GALM: variants seen among roughly 807,000 people sequenced by gnomAD.
GALM encodes aldose 1-epimerase.
In GALM, 43 loss-of-function variants were observed where a neutral mutation model predicts 37.4. That is an observed-to-expected ratio of 1.15 (90% CI 0.90 to 1.48). The LOEUF (loss-of-function observed/expected upper bound fraction) is 1.48. Among genes scored for constraint, GALM ranks in the 40% most tolerant of loss-of-function variants. The pLI is 0.00. For synonymous variants in GALM, 199 were observed against 170.6 expected (o/e 1.17, Z -1.30); for missense variants, 456 against 419.1 (o/e 1.09, Z -0.77).
chr2:38,703,839 C>A (rs545651807), intron 4 of GALM, among the ~76,000 whole-genome samples: 1 of 151,944 alleles, frequency 6.6e-6, no homozygotes, highest in African/African-American at 2.4e-5. Context: ...ATGTTGAAAC[C>A]CCCTCTCTGT....
rs1400457855 is a variant in GALM, at chr2:38,733,907, T to G, written c.*342T>G. On this transcript the variant is annotated 3_prime_UTR_variant, in exon 7 of 7. Transcript: ENST00000272252. Reference sequence around the variant, plus strand: ...TCTTTTCAACTTTTTGCCCTTCCTTTCTTTAAAGCTATTCTCACATTGCTT... The same window carrying G: ...TCTTTTCAACTTTTTGCCCTTCCTTGCTTTAAAGCTATTCTCACATTGCTT... The G allele has an allele frequency of 3.0e-6, 1 of 335,890 alleles. No homozygotes were observed. Among genetic ancestry groups the G allele is most frequent in the African/African-American group, 2.1e-5 (1 of 47,068 alleles). 20.8% of individuals were successfully genotyped at this position (335,890 alleles called of 1,614,324 possible). A position where few individuals can be genotyped will look rare whatever the true frequency, so the allele number is the denominator to read the frequency against.
chr2:38,716,117 G>C (rs921439037), intron 4 of GALM, among the ~76,000 whole-genome samples: 3 of 152,222 alleles, frequency 2.0e-5, no homozygotes, highest in Admixed American at 1.3e-4. Flanking sequence ...CTGAAACCCA[G>C]GGATATGCAG....
chr2:38,722,529 A>G (rs1315663330), intron 4 of GALM, among the ~76,000 whole-genome samples: 1 of 152,282 alleles, frequency 6.6e-6, no homozygotes, highest in South Asian at 2.1e-4. Context: ...CCAGGAGAAT[A>G]AGAAATCCTC....
At chr2:38,724,991 G>T (rs1666456886) in intron 4 of GALM, among the ~76,000 whole-genome samples, 1 of 152,140 alleles carries the variant, frequency 6.6e-6, no homozygotes, top group East Asian at 1.9e-4. Flanking sequence ...GTTTCTTCAA[G>T]CCTTCTACCT....
chr2:38,692,447 C>T (rs1265114222), intron 4 of GALM, among the ~76,000 whole-genome samples: 1 of 152,100 alleles, frequency 6.6e-6, no homozygotes, highest in Non-Finnish European at 1.5e-5. Context: ...GACAGGGTCT[C>T]CCTATGTTGC....
intron 4 of GALM, among the ~76,000 whole-genome samples, chr2:38,721,805 C>T (rs963282359): frequency 2.0e-5 from 3 of 152,030 alleles, no homozygotes; most frequent in Admixed American, 6.6e-5. Flanking sequence ...CGTGAGCCAC[C>T]GCGCCTGGTC....
At chr2:38,709,697 C>T (rs1419643864) in intron 4 of GALM, among the ~76,000 whole-genome samples, 1 of 152,156 alleles carries the variant, frequency 6.6e-6, no homozygotes, top group Non-Finnish European at 1.5e-5. Flanking sequence ...AGAAATGTTA[C>T]CTTACCAAAA....
chr2:38,717,845 C>CT (rs201772463), intron 4 of GALM, among the ~76,000 whole-genome samples: 4 of 149,912 alleles, frequency 2.7e-5, no homozygotes, highest in African/African-American at 7.3e-5. Context: ...AAACCATTTT[C>CT]TTTTTTTTTG....
intron 4 of GALM, among the ~76,000 whole-genome samples, chr2:38,697,813 A>T (rs562538413): frequency 1.3e-5 from 2 of 152,282 alleles, no homozygotes; most frequent in East Asian, 3.9e-4. Context: ...CAAGAGCAAG[A>T]CAAAGAAATT....
At chr2:38,695,446 G>C (rs1421404465) in intron 4 of GALM, among the ~76,000 whole-genome samples, 1 of 152,144 alleles carries the variant, frequency 6.6e-6, no homozygotes, top group Non-Finnish European at 1.5e-5. Flanking sequence ...ATTTATCCTG[G>C]GGAGATGCTG....
chr2:38,706,486 G>A, intron 4 of GALM, among the ~76,000 whole-genome samples: 1 of 141,250 alleles, frequency 7.1e-6, no homozygotes, highest in African/African-American at 2.6e-5. Context: ...ACCAGCCTGG[G>A]CAACATATCG....
chr2:38,691,956 A>G (rs1027776396), intron 4 of GALM, among the ~76,000 whole-genome samples: 3 of 152,226 alleles, frequency 2.0e-5, no homozygotes, highest in African/African-American at 7.2e-5. Flanking sequence ...TCTGGGGACC[A>G]GTGAAAATGT....
intron 1 of GALM, among the ~76,000 whole-genome samples, chr2:38,674,941 G>C (rs1023827885): frequency 1.3e-5 from 2 of 152,122 alleles, no homozygotes; most frequent in Admixed American, 6.6e-5. Context: ...TTGGGAGGCC[G>C]AGTTGGGCAG....
chr2:38,694,186 A>C (rs958720101), intron 4 of GALM, among the ~76,000 whole-genome samples: 1 of 152,210 alleles, frequency 6.6e-6, no homozygotes, highest in African/African-American at 2.4e-5. Context: ...GTCTCAAAAA[A>C]AAAGAAGAAG....
chr2:38,675,608 G>A (rs1287926159), intron 1 of GALM, among the ~76,000 whole-genome samples: 1 of 133,258 alleles, frequency 7.5e-6, no homozygotes, highest in East Asian at 2.2e-4. Context: ...TCGCTCTGTC[G>A]CCCAGGCTGG....
intron 3 of GALM, among the ~76,000 whole-genome samples, chr2:38,683,786 C>T (rs1368267949): frequency 6.6e-6 from 1 of 152,154 alleles, no homozygotes; most frequent in Non-Finnish European, 1.5e-5. Context: ...AAGCTGGTCT[C>T]GAACTCCTGA....
At chr2:38,690,914 T>C (rs1222212117) in intron 4 of GALM, among the ~76,000 whole-genome samples, 1 of 152,162 alleles carries the variant, frequency 6.6e-6, no homozygotes, top group African/African-American at 2.4e-5. Context: ...TTGAGCTCAA[T>C]GGGGTCAAAT....
intron 4 of GALM, among the ~76,000 whole-genome samples, chr2:38,691,809 T>C (rs1665681176): frequency 6.6e-6 from 1 of 151,938 alleles, no homozygotes; most frequent in African/African-American, 2.4e-5. Context: ...CATAAAAGTG[T>C]AAACAAATTT....
chr2:38,675,518 G>GGTTTTTTTTTTTTTTT lies in GALM; in HGVS notation c.191-394_191-393insGTTTTTTTTTTTTTTT. On this transcript the variant is annotated intron_variant, in intron 1 of 6. Transcript: ENST00000272252. Reference sequence around the variant, plus strand: ...CATGCAACACACCTTTGGATTGAGGGTTTTTTTGTTTTTTTTTTTTTTTTT... The same window carrying GGTTTTTTTTTTTTTTT: ...CATGCAACACACCTTTGGATTGAGGGGTTTTTTTTTTTTTTTTTTTTTTGTTTTTTTTTTTTTTTTT... 1.9e-5 allele frequency among the ~76,000 whole-genome samples: 2 copies of GGTTTTTTTTTTTTTTT among 104,976 alleles called. 1 individual carries two copies. 68.9% of individuals were successfully genotyped at this position (104,976 alleles called of 152,430 possible).
Sources: allele counts gnomAD v4.1 joint callset (sites outside exome capture counted in the v4.1 genomes callset), GRCh38; gene constraint gnomAD v4.1.1; transcripts MANE v1.5; gene names NCBI Gene and HGNC (gene_info 2026-07-23, HGNC 2026-07-21).